STK38: variants seen among roughly 807,000 people sequenced by gnomAD.
STK38 encodes the protein serine/threonine-protein kinase 38.
A neutral mutation model predicts 59.0 loss-of-function variants in STK38; 26 were observed. The observed-to-expected ratio is 0.44, with a 90% CI of 0.32 to 0.61. STK38 has a LOEUF of 0.61. Among genes scored for constraint, STK38 ranks in the 20% least tolerant of loss-of-function variants. STK38 has a pLI of 0.04. For synonymous variants in STK38, 175 were observed against 176.6 expected, an observed-to-expected ratio of 0.99 and a Z score of 0.07; for missense variants, 433 against 566.0, an observed-to-expected ratio of 0.76 and a Z score of 2.38.
At chr6:36,525,075 G>A (rs1247865459) in intron 3 of STK38, among the ~76,000 whole-genome samples, 1 of 152,110 alleles carries the variant, frequency 6.6e-6, no homozygotes, top group Non-Finnish European at 1.5e-5. Context: ...GGCCTGTCGG[G>A]GCATGGGGGG....
chr6:36,498,929 T>C (rs921736790), intron 10 of STK38, among the ~76,000 whole-genome samples: 2 of 152,162 alleles, frequency 1.3e-5, no homozygotes, highest in Admixed American at 1.3e-4. Flanking sequence ...GATTACTCTG[T>C]ATGGCCATCC....
intron 7 of STK38, among the ~76,000 whole-genome samples, chr6:36,508,002 T>A (rs1015873430): frequency 3.3e-5 from 5 of 150,048 alleles, no homozygotes; most frequent in African/African-American, 1.2e-4. Flanking sequence ...GGCGTGATCA[T>A]GGCTCACTGC....
intron 6 of STK38, among the ~76,000 whole-genome samples, chr6:36,515,978 C>G (rs909887145): frequency 6.6e-6 from 1 of 152,188 alleles, no homozygotes; most frequent in South Asian, 2.1e-4. Flanking sequence ...TTTCCAACTT[C>G]TATTCACAGA....
intron 7 of STK38, among the ~76,000 whole-genome samples, chr6:36,512,155 A>G (rs1409718153): frequency 2.0e-5 from 3 of 152,214 alleles, no homozygotes; most frequent in Non-Finnish European, 4.4e-5. Flanking sequence ...CCTTTCAGGG[A>G]ATTCTATAGC....
intron 7 of STK38, among the ~76,000 whole-genome samples, chr6:36,510,784 C>T (rs1001973794): frequency 9.2e-5 from 14 of 152,346 alleles, no homozygotes; most frequent in African/African-American, 3.1e-4. Context: ...TGTTAAATGG[C>T]TTGCCGTTAA....
At chr6:36,518,004 T>C (rs953746742) in intron 5 of STK38, among the ~76,000 whole-genome samples, 164 bp from the exon 6 acceptor site, 3 of 152,230 alleles carry the variant, frequency 2.0e-5, no homozygotes, top group Non-Finnish European at 4.4e-5. Context: ...TAACTCAAAA[T>C]TGACAACATT....
intron 2 of STK38, among the ~76,000 whole-genome samples, chr6:36,526,934 C>G (rs547736988): frequency 6.0e-5 from 9 of 150,984 alleles, no homozygotes; most frequent in African/African-American, 2.2e-4. Flanking sequence ...TGGCTCACGC[C>G]TGTAATCCCA....
intron 2 of STK38, among the ~76,000 whole-genome samples, chr6:36,534,823 T>C (rs559309782): frequency 2.7e-5 from 4 of 146,890 alleles, no homozygotes; most frequent in Admixed American, 6.9e-5. Context: ...AATTCCCAGC[T>C]AGTGCACTAA....
At chr6:36,507,862 T>G (rs1045084615) in intron 7 of STK38, among the ~76,000 whole-genome samples, 1 of 152,168 alleles carries the variant, frequency 6.6e-6, no homozygotes, top group Middle Eastern at 3.4e-3. Context: ...GACCCCTCCA[T>G]AGCATCTAGA....
At chr6:36,537,067 C>A (rs1354009367) in intron 2 of STK38, among the ~76,000 whole-genome samples, 1 of 151,994 alleles carries the variant, frequency 6.6e-6, no homozygotes, top group Non-Finnish European at 1.5e-5. Flanking sequence ...AGAACTCCTG[C>A]AACTCAATAA....
intron 5 of STK38, among the ~76,000 whole-genome samples, chr6:36,520,364 T>C (rs995154698): frequency 1.3e-5 from 2 of 152,360 alleles, no homozygotes; most frequent in East Asian, 3.9e-4. Flanking sequence ...TGGATCATCC[T>C]CTGTTAGAAA....
chr6:36,524,603 C>A (rs1394284014), intron 3 of STK38, 140 bp from the exon 4 acceptor site: 2 of 803,576 alleles, frequency 2.5e-6, no homozygotes. Context: ...TGAAATCACC[C>A]CAGAAGGATC....
At chr6:36,537,293 A>G (rs1777816411) in intron 2 of STK38, among the ~76,000 whole-genome samples, 1 of 152,216 alleles carries the variant, frequency 6.6e-6, no homozygotes, top group South Asian at 2.1e-4. Flanking sequence ...AAGTAAATAG[A>G]ACTCTCATAT....
intron 2 of STK38, among the ~76,000 whole-genome samples, chr6:36,533,889 C>T (rs1055249111): frequency 2.0e-5 from 3 of 152,202 alleles, no homozygotes; most frequent in Admixed American, 6.5e-5. Flanking sequence ...GATCCTAACA[C>T]GGGACACTGT....
At chr6:36,525,701 T>C (rs1777494686) in intron 2 of STK38, 59 bp from the exon 3 acceptor site, 1 of 1,423,376 alleles carries the variant, frequency 7.0e-7, no homozygotes. Context: ...TTTCTGAAAA[T>C]TCTGTAACTT....
chr6:36,499,923 T>C lies in STK38; in HGVS notation c.902A>G (p.Lys301Arg). 1 of 1,614,078 alleles carries C rather than the reference T, an allele frequency of 6.2e-7. No individual in the cohort carries two copies. Among genetic ancestry groups the C allele is most frequent in the Non-Finnish European group, 8.5e-7 (1 of 1,180,004 alleles). ...CCCAAGCGACCACCAATCACAGAGC[T>C]TGTTGTACCCGGTCTGCATGAACAC... ...PEVFMQTGYN[K>R]LCDWWSLGVI... The change falls in exon 10 of 14, where the codon AAG (lysine) becomes AGG (arginine). Residue 301 changes from lysine (K) to arginine (R), a missense_variant. Transcript: ENST00000229812.
intron 6 of STK38, among the ~76,000 whole-genome samples, chr6:36,515,993 A>C (rs1777242995): frequency 6.6e-6 from 1 of 151,854 alleles, no homozygotes; most frequent in African/African-American, 2.4e-5. Flanking sequence ...CACAGAACAC[A>C]AACAAATAAA....
chr6:36,530,308 G>A (rs1281228023), intron 2 of STK38, among the ~76,000 whole-genome samples: 1 of 151,976 alleles, frequency 6.6e-6, no homozygotes, highest in East Asian at 1.9e-4. Flanking sequence ...GGGAGCGGAG[G>A]GGGAGGGGAA....
At chr6:36,536,411 A>G (rs1777791806) in intron 2 of STK38, among the ~76,000 whole-genome samples, 1 of 152,172 alleles carries the variant, frequency 6.6e-6, no homozygotes, top group Non-Finnish European at 1.5e-5. Context: ...TAGCTAACGT[A>G]AGTCCAGCAC....
Sources: allele counts gnomAD v4.1 joint callset (sites outside exome capture counted in the v4.1 genomes callset), GRCh38; gene constraint gnomAD v4.1.1; transcripts MANE v1.5; gene names NCBI Gene and HGNC (gene_info 2026-07-23, HGNC 2026-07-21).